Variants in VPS13B observed in about 807,000 individuals in gnomAD.
The protein encoded by VPS13B is intermembrane lipid transfer protein VPS13B.
A neutral mutation model predicts 426.4 loss-of-function variants in VPS13B; 285 were observed. The observed-to-expected ratio is 0.67, with a 90% confidence interval of 0.61 to 0.74. VPS13B has a LOEUF of 0.74. Among genes scored for constraint, VPS13B ranks in the 30% least tolerant of loss-of-function variants. VPS13B has a pLI of 0.00. For missense variants in VPS13B, 4,537 were observed against 4,782.6 expected (o/e 0.95, Z 1.51); for synonymous variants, 1,676 against 1,676.4 (o/e 1.00, Z 0.01).
At chr8:99,187,165 T>C (rs1471066018) in intron 16 of VPS13B, among the ~76,000 whole-genome samples, 1 of 152,184 alleles carries the variant, frequency 6.6e-6, no homozygotes, top group East Asian at 1.9e-4. Flanking sequence ...ATATTCCAAA[T>C]ATCTGTGTTC....
chr8:99,719,722 T>G (rs984591164), intron 37 of VPS13B, among the ~76,000 whole-genome samples: 12 of 152,178 alleles, frequency 7.9e-5, no homozygotes, highest in Non-Finnish European at 1.8e-4. Context: ...AAATAAAACT[T>G]AATCTCCATT....
At chr8:99,455,653 A>G (rs1818414565) in intron 23 of VPS13B, among the ~76,000 whole-genome samples, 1 of 152,166 alleles carries the variant, frequency 6.6e-6, no homozygotes, top group Non-Finnish European at 1.5e-5. Context: ...AGCCCTAGGC[A>G]ACCCTGATCT....
intron 17 of VPS13B, among the ~76,000 whole-genome samples, chr8:99,210,967 G>A (rs1453976581): frequency 1.3e-5 from 2 of 152,138 alleles, no homozygotes; most frequent in Non-Finnish European, 2.9e-5. Flanking sequence ...GGAAATTAAG[G>A]ATATATGTGA....
At chr8:99,846,185 A>G (rs1815973435) in intron 54 of VPS13B, among the ~76,000 whole-genome samples, 3 of 152,202 alleles carry the variant, frequency 2.0e-5, no homozygotes, top group Admixed American at 2.0e-4. Flanking sequence ...TGAAGAAAAC[A>G]CACACAAAAC....
chr8:99,438,034 C>CTTTTTTTT (rs746500253), intron 22 of VPS13B, among the ~76,000 whole-genome samples: 5 of 120,586 alleles, frequency 4.1e-5, no homozygotes, highest in East Asian at 2.5e-4. Flanking sequence ...TTCTTTTCCT[C>CTTTTTTTT]TTTTTTTTTT....
chr8:99,418,865 C>T (rs965846223), intron 21 of VPS13B, among the ~76,000 whole-genome samples: 21 of 152,194 alleles, frequency 1.4e-4, no homozygotes, highest in East Asian at 3.9e-4. Flanking sequence ...CTAGAGCTTG[C>T]GCTCTTCTAG....
At chr8:99,785,934 A>G (rs1812239166) in intron 43 of VPS13B, among the ~76,000 whole-genome samples, 1 of 152,216 alleles carries the variant, frequency 6.6e-6, no homozygotes, top group Non-Finnish European at 1.5e-5. Flanking sequence ...ACCTGTAGCC[A>G]CTTTACCGAT....
At chr8:99,744,389 A>C (rs1210424591) in intron 39 of VPS13B, among the ~76,000 whole-genome samples, 1 of 152,202 alleles carries the variant, frequency 6.6e-6, no homozygotes, top group Admixed American at 6.5e-5. Flanking sequence ...AAACTAGTTC[A>C]ACCATTGTGG....
intron 25 of VPS13B, among the ~76,000 whole-genome samples, chr8:99,487,303 A>G (rs544675139): frequency 6.6e-6 from 1 of 152,232 alleles, no homozygotes; most frequent in South Asian, 2.1e-4. Context: ...CAAATGGTAA[A>G]TGTTCATTTC....
At chr8:99,190,994 C>A (rs2132722532) in intron 16 of VPS13B, among the ~76,000 whole-genome samples, 1 of 152,116 alleles carries the variant, frequency 6.6e-6, no homozygotes, top group Middle Eastern at 3.4e-3. Context: ...AGGAATTCTT[C>A]CCAGCGTTTA....
chr8:99,227,226 C>G (rs1588155207), intron 17 of VPS13B, among the ~76,000 whole-genome samples: 1 of 152,130 alleles, frequency 6.6e-6, no homozygotes, highest in African/African-American at 2.4e-5. Context: ...GTATGTTAAT[C>G]TCTGTACAAG....
chr8:99,601,155 T>A (rs1827281143), intron 33 of VPS13B, among the ~76,000 whole-genome samples: 1 of 151,956 alleles, frequency 6.6e-6, no homozygotes, highest in African/African-American at 2.4e-5. Flanking sequence ...CCCTAGCCCC[T>A]GACCCCCCAA....
At chr8:99,749,886 C>G (rs1309817822) in intron 39 of VPS13B, among the ~76,000 whole-genome samples, 1 of 152,098 alleles carries the variant, frequency 6.6e-6, no homozygotes, top group Non-Finnish European at 1.5e-5. Context: ...CTTTTCCCCA[C>G]ACCCTCACCA....
chr8:99,859,088 C>T (rs550526799), intron 56 of VPS13B, among the ~76,000 whole-genome samples: 9 of 152,236 alleles, frequency 5.9e-5, no homozygotes, highest in East Asian at 1.9e-4. Context: ...TTTGTGGGGC[C>T]GTCAGAGGAT....
chr8:99,611,213 A>G (rs1490970097), intron 33 of VPS13B, among the ~76,000 whole-genome samples: 2 of 152,200 alleles, frequency 1.3e-5, no homozygotes, highest in African/African-American at 2.4e-5. Context: ...TGAATTAGCT[A>G]TATAAAAGTC....
Position 99,038,407 on chromosome 8 carries a change from T to C in VPS13B, c.148-16T>C. 1 of 1,584,866 alleles carries C rather than the reference T, an allele frequency of 6.3e-7. No homozygotes were observed. Among genetic ancestry groups the C allele is most frequent in the Non-Finnish European group, 8.6e-7 (1 of 1,161,732 alleles). On this transcript the variant is annotated splice_polypyrimidine_tract_variant and intron_variant, in intron 2 of 61. Coordinates refer to ENST00000357162, the MANE Select transcript of VPS13B (RefSeq NM_152564.5). The stretch of plus-strand genomic sequence containing the variant: ...TAAGCACTTACTAATTTTTATGTAA[T>C]GTTTTGTGTTTTAAGGAACTGAAAT...
intron 59 of VPS13B, among the ~76,000 whole-genome samples, chr8:99,868,828 T>C (rs944271574): frequency 6.6e-6 from 1 of 152,214 alleles, no homozygotes; most frequent in Admixed American, 6.5e-5. Context: ...AAGATAACTC[T>C]AAGAAGCAGT....
intron 24 of VPS13B, among the ~76,000 whole-genome samples, chr8:99,473,289 A>G (rs931032672): frequency 6.6e-6 from 1 of 152,106 alleles, no homozygotes; most frequent in South Asian, 2.1e-4. Context: ...AACAATATCT[A>G]AAAGGCATAA....
At chr8:99,493,675 G>A (rs796497931) in intron 25 of VPS13B, among the ~76,000 whole-genome samples, 5 of 151,506 alleles carry the variant, frequency 3.3e-5, no homozygotes, top group Non-Finnish European at 7.4e-5. Context: ...ATCCCGATTC[G>A]GGAGGCTGCA....
Sources: allele counts gnomAD v4.1 joint callset (sites outside exome capture counted in the v4.1 genomes callset), GRCh38; gene constraint gnomAD v4.1.1; transcripts MANE v1.5; gene names NCBI Gene and HGNC (gene_info 2026-07-23, HGNC 2026-07-21).